The following SCUBE2 variants were observed in gnomAD, a reference collection of about 807,000 sequenced individuals.
SCUBE2 encodes signal peptide, CUB and EGF-like domain-containing protein 2.
Under a neutral mutation model 125.9 loss-of-function variants are expected in SCUBE2, and 114 were observed. The ratio of observed to expected loss-of-function variants is 0.91; its 90% CI spans 0.78 to 1.06. The LOEUF (loss-of-function observed/expected upper bound fraction) is 1.06. SCUBE2 is among the 50% of genes least tolerant of loss of function. SCUBE2 has a pLI of 0.00. For missense variants in SCUBE2, 1,255 were observed against 1,301.8 expected (o/e 0.96, Z 0.55); for synonymous variants, 459 against 492.9 (o/e 0.93, Z 0.91).
chr11:9,033,535 G>C (rs1207385936), intron 17 of SCUBE2, 91 bp downstream of exon 17: 5 of 1,437,272 alleles, frequency 3.5e-6, no homozygotes, highest in Non-Finnish European at 1.9e-6. Flanking sequence ...CCCCGGGTGA[G>C]TGTGCATTGT....
At chr11:9,082,025 C>G (rs1160183804) in intron 2 of SCUBE2, among the ~76,000 whole-genome samples, 1 of 152,202 alleles carries the variant, frequency 6.6e-6, no homozygotes, top group South Asian at 2.1e-4. Flanking sequence ...TAGTAGCCAT[C>G]CTAATGGATA....
intron 16 of SCUBE2, among the ~76,000 whole-genome samples, chr11:9,045,632 C>A (rs1472354983): frequency 1.3e-5 from 2 of 151,248 alleles, no homozygotes; most frequent in Non-Finnish European, 2.9e-5. Flanking sequence ...CACACACACA[C>A]ACACACACAC....
At chr11:9,066,244 A>G (rs1398182856) in intron 6 of SCUBE2, among the ~76,000 whole-genome samples, 1 of 152,234 alleles carries the variant, frequency 6.6e-6, no homozygotes, top group African/African-American at 2.4e-5. Flanking sequence ...TGCAAGCTTC[A>G]GTCCCCTGAG....
chr11:9,090,671 G>A (rs934585287), intron 1 of SCUBE2, among the ~76,000 whole-genome samples: 1 of 151,990 alleles, frequency 6.6e-6, no homozygotes, highest in African/African-American at 2.4e-5. Context: ...ATGCTGCGAA[G>A]CGGGGATGGT....
chr11:9,064,343 T>A (rs754275476), intron 7 of SCUBE2, among the ~76,000 whole-genome samples: 1 of 151,940 alleles, frequency 6.6e-6, no homozygotes, highest in Admixed American at 6.6e-5. Flanking sequence ...GGCACATGCC[T>A]GTAGTCCAGC....
At chr11:9,047,654 G>A (rs188582956) in intron 15 of SCUBE2, 92 bp from the exon 16 acceptor site, 16 of 1,307,998 alleles carry the variant, frequency 1.2e-5, no homozygotes, top group Admixed American at 3.9e-5. Flanking sequence ...CCAACACCCC[G>A]AGCTCCCTGT....
chr11:9,041,264 G>GTGTA (rs1304090429), intron 16 of SCUBE2, among the ~76,000 whole-genome samples: 2 of 152,154 alleles, frequency 1.3e-5, no homozygotes, highest in African/African-American at 4.8e-5. Flanking sequence ...GAGAGAGAAT[G>GTGTA]TGTGTGTGTG....
intron 16 of SCUBE2, among the ~76,000 whole-genome samples, chr11:9,043,908 G>T (rs1230410431): frequency 2.0e-5 from 3 of 151,900 alleles, no homozygotes; most frequent in Non-Finnish European, 2.9e-5. Context: ...GAAGCGACAT[G>T]CATAGGCATG....
At chr11:9,049,469 C>G (rs947536155) in intron 14 of SCUBE2, among the ~76,000 whole-genome samples, 5 of 152,076 alleles carry the variant, frequency 3.3e-5, no homozygotes, top group Non-Finnish European at 7.4e-5. Flanking sequence ...CGCTCCTGAA[C>G]TCCTGAACTC....
At chr11:9,073,651 G>T (rs113254182) in intron 4 of SCUBE2, among the ~76,000 whole-genome samples, 57 of 152,330 alleles carry the variant, frequency 3.7e-4, no homozygotes, top group Non-Finnish European at 6.2e-4. Context: ...TAATAGGCTA[G>T]TATTTAGGGC....
intron 3 of SCUBE2, among the ~76,000 whole-genome samples, chr11:9,078,760 T>C (rs773239388): frequency 2.0e-5 from 3 of 152,216 alleles, no homozygotes; most frequent in South Asian, 2.1e-4. Flanking sequence ...GAGTGCTGCA[T>C]CCTCTAAGAC....
At chr11:9,075,707 A>C (rs1361592810) in intron 3 of SCUBE2, among the ~76,000 whole-genome samples, 3 of 152,242 alleles carry the variant, frequency 2.0e-5, no homozygotes, top group Non-Finnish European at 2.9e-5. Context: ...GAGGGGAAGA[A>C]TGGGCAGTCT....
At chr11:9,056,593 G>A (rs2135528574) in intron 9 of SCUBE2, among the ~76,000 whole-genome samples, 1 of 152,330 alleles carries the variant, frequency 6.6e-6, no homozygotes, top group East Asian at 1.9e-4. Flanking sequence ...GAGTCTGCTA[G>A]CCTCCTGGTT....
chr11:9,065,598 A>G (rs1330123723), intron 7 of SCUBE2, among the ~76,000 whole-genome samples: 1 of 152,198 alleles, frequency 6.6e-6, no homozygotes, highest in African/African-American at 2.4e-5. Context: ...ATTTCAAAGA[A>G]AGACCAAGAG....
In SCUBE2 at chr11:9,051,428, G is replaced by A. The variant is rs777938361; in HGVS notation, c.1535-718C>T. On this transcript the variant is annotated intron_variant, in intron 13 of 22. Transcript: ENST00000649792. ...AGGGCAGATTCTCCTAAACAAGCCCGTCGTGGGAGGACAGGGCTGAGGGAG... is the reference window on the plus strand; with the variant it reads ...AGGGCAGATTCTCCTAAACAAGCCCATCGTGGGAGGACAGGGCTGAGGGAG... Among the ~76,000 whole-genome samples the A allele has an allele frequency of 5.3e-5, 8 of 152,316 alleles. No homozygotes were observed. In the East Asian group the frequency reaches 5.8e-4, roughly 11 times the overall value.
chr11:9,075,199 G>A (rs1182213658), intron 3 of SCUBE2, among the ~76,000 whole-genome samples: 1 of 91,904 alleles, frequency 1.1e-5, no homozygotes, highest in Non-Finnish European at 2.1e-5. Context: ...AGAGCGAGAC[G>A]CCATCTAAAA....
chr11:9,042,273 G>T (rs1049573543), intron 16 of SCUBE2, among the ~76,000 whole-genome samples: 3 of 152,044 alleles, frequency 2.0e-5, no homozygotes, highest in South Asian at 2.1e-4. Context: ...GCATCCTACA[G>T]CTGTGTCCCT....
intron 17 of SCUBE2, 166 bp from the exon 18 acceptor site, chr11:9,031,091 T>C: frequency 1.6e-6 from 1 of 611,358 alleles, no homozygotes; most frequent in Non-Finnish European, 2.8e-6. Context: ...TGACCCTGAG[T>C]CAATGGCACA....
At chr11:9,047,125 C>A (rs1857858743) in intron 16 of SCUBE2, among the ~76,000 whole-genome samples, 1 of 116,540 alleles carries the variant, frequency 8.6e-6, no homozygotes, top group South Asian at 2.6e-4. Context: ...AGATACTATG[C>A]CAGGTGCTGA....
Sources: allele counts gnomAD v4.1 joint callset (sites outside exome capture counted in the v4.1 genomes callset), GRCh38; gene constraint gnomAD v4.1.1; transcripts MANE v1.5; gene names NCBI Gene and HGNC (gene_info 2026-07-23, HGNC 2026-07-21).